Variants in BPGM observed in about 807,000 individuals in gnomAD.
The protein encoded by BPGM is 2,3-bisphosphoglycerate mutase, erythrocyte.
In BPGM, 15 loss-of-function variants were observed where a neutral mutation model predicts 21.6. The observed-to-expected ratio is 0.70, with a 90% CI of 0.47 to 1.07. BPGM has a LOEUF of 1.07. BPGM is among the 50% of genes least tolerant of loss of function. The pLI is 0.00. For synonymous variants in BPGM, 113 were observed against 116.2 expected, an observed-to-expected ratio of 0.97 and a Z score of 0.18; for missense variants, 273 against 319.0, an observed-to-expected ratio of 0.86 and a Z score of 1.10.
chr7:134,647,705 C>T (rs957185367), intron 1 of BPGM, among the ~76,000 whole-genome samples: 1 of 152,124 alleles, frequency 6.6e-6, no homozygotes, highest in African/African-American at 2.4e-5. Context: ...AGACTCTTTC[C>T]AAGAAGGGGA....
chr7:134,665,649 G>GAAAAAAAAAAAAAAA (rs1164169964), intron 2 of BPGM, among the ~76,000 whole-genome samples: 1 of 78,192 alleles, frequency 1.3e-5, no homozygotes, highest in Non-Finnish European at 3.1e-5. Flanking sequence ...AAAAATTAAT[G>GAAAAAAAAAAAAAAA]AAAAAAAAAA....
Position 134,661,217 on chromosome 7 carries a change from A to C in BPGM, c.-61-230A>C, listed in dbSNP as rs565465287. ...AGTGTTTTGTTATTTTATGTCATGC[A>C]ATTAACATGCTATCCAAACATCAGA... On this transcript the variant is annotated intron_variant, in intron 1 of 2. Coordinates refer to ENST00000344924, the MANE Select transcript of BPGM (RefSeq NM_001724.5). This position sits in a 1 kb window ranked among gnomAD's most constrained non-coding sequence, Gnocchi z 4.6. Among the ~76,000 whole-genome samples the C allele has an allele frequency of 6.6e-6, 1 of 152,228 alleles. No individual in the cohort carries two copies. The highest frequency in any genetic ancestry group is 2.4e-5 in the African/African-American group (1 of 41,454).
At chr7:134,648,299 C>A (rs938391485) in intron 1 of BPGM, among the ~76,000 whole-genome samples, 1 of 149,102 alleles carries the variant, frequency 6.7e-6, no homozygotes, top group African/African-American at 2.5e-5. Flanking sequence ...CCACGCCCAG[C>A]TAATTTTGTG....
At chr7:134,669,324 A>T (rs1358998083) in intron 2 of BPGM, among the ~76,000 whole-genome samples, 1 of 152,214 alleles carries the variant, frequency 6.6e-6, no homozygotes, top group Non-Finnish European at 1.5e-5. Context: ...GTCCTTCTTC[A>T]TGAGAAGTTA....
At chr7:134,672,589 TC>T (rs1288067375) in intron 2 of BPGM, among the ~76,000 whole-genome samples, 1 of 152,146 alleles carries the variant, frequency 6.6e-6, no homozygotes, top group Non-Finnish European at 1.5e-5. Flanking sequence ...CAGCAGTGTT[TC>T]CCTTTTCAGC....
intron 1 of BPGM, among the ~76,000 whole-genome samples, chr7:134,658,905 T>G (rs956471217): frequency 6.6e-6 from 1 of 151,752 alleles, no homozygotes; most frequent in Non-Finnish European, 1.5e-5. Flanking sequence ...TTTTTTTTAG[T>G]AAAAAGAAAA....
chr7:134,673,252 T>C (rs1795934083), intron 2 of BPGM, among the ~76,000 whole-genome samples: 1 of 152,186 alleles, frequency 6.6e-6, no homozygotes, highest in Non-Finnish European at 1.5e-5. Context: ...TATTAACCAG[T>C]CTAAGTATTT....
intron 2 of BPGM, among the ~76,000 whole-genome samples, chr7:134,666,155 G>A (rs74826448): frequency 0.034 from 5,102 of 152,148 alleles, 143 homozygotes; most frequent in Non-Finnish European, 0.045. Flanking sequence ...CTGGGATTAC[G>A]GCATGAGCCA....
Position 134,648,132 on chromosome 7 carries a change from G to GTTTTT in BPGM, c.-62+1201_-62+1205dup, listed in dbSNP as rs1037270275. 4.6e-4 allele frequency among the ~76,000 whole-genome samples: 66 copies of GTTTTT among 144,256 alleles called. 1 individual carries two copies. In the East Asian group the frequency reaches 0.012, roughly 26 times the overall value. The allele number at this position is 144,256 out of a possible 152,430, so 94.6% of individuals were successfully genotyped here. On this transcript the variant is annotated intron_variant, in intron 1 of 2. Transcript: ENST00000344924. ...TTCTTTCTTTCTTTCTTTTGTTTTG[G>GTTTTT]TTTTTTTTTTGTTTTGTTTTCAGAC...
chr7:134,661,479 G>A lies in BPGM; in HGVS notation c.-29G>A. On this transcript the variant is annotated 5_prime_UTR_variant, in exon 2 of 3. Transcript: ENST00000344924. This position sits in a 1 kb window ranked among gnomAD's most constrained non-coding sequence, Gnocchi z 4.6. ...GCTGTCCTTGAATATTAGCCCATTT[G>A]AAAACGCCTGGGAAGTTCAGCCATC... The A allele has an allele frequency of 1.2e-6, 2 of 1,613,870 alleles. No homozygotes were observed. Among genetic ancestry groups the A allele is most frequent in the South Asian group, 1.1e-5 (1 of 90,936 alleles).
At chr7:134,650,439 T>G (rs556285534) in intron 1 of BPGM, among the ~76,000 whole-genome samples, 2 of 152,348 alleles carry the variant, frequency 1.3e-5, no homozygotes, top group South Asian at 4.1e-4. Flanking sequence ...AGGGTTTTAG[T>G]GTCTGGAAAA....
chr7:134,652,947 G>C (rs7778281), intron 1 of BPGM, among the ~76,000 whole-genome samples: 1 of 152,230 alleles, frequency 6.6e-6, no homozygotes, highest in African/African-American at 2.4e-5. Context: ...TGGAGTGCAG[G>C]TATCTCTTCA....
At position 134,662,057 on chromosome 7, in the gene BPGM, C is replaced by A; in HGVS notation, c.550C>A (p.Leu184Met). 6.2e-7 allele frequency: 1 copy of A among 1,614,134 alleles called. No homozygotes were observed. The highest frequency in any genetic ancestry group is 8.5e-7 in the Non-Finnish European group (1 of 1,180,018). Reference sequence around the variant, plus strand: ...CGAAGTATTACGTGGCAAAACCATTCTGATATCTGCTCATGGAAATAGCAG... The same window carrying A: ...CGAAGTATTACGTGGCAAAACCATTATGATATCTGCTCATGGAAATAGCAG... The part of the protein sequence containing the change: ...APEVLRGKTI[L>M]ISAHGNSSRA... The change falls in exon 2 of 3, where the codon CTG becomes ATG. Residue 184 changes from leucine (L) to methionine (M), a missense_variant. Physicochemically the swap from Leu to Met is conservative, Grantham distance 15. Transcript: ENST00000344924.
chr7:134,663,974 A>C (rs978061750), intron 2 of BPGM, among the ~76,000 whole-genome samples: 3 of 152,186 alleles, frequency 2.0e-5, no homozygotes, highest in African/African-American at 7.2e-5. Flanking sequence ...GGTGGGGGCA[A>C]AGAGAGAATT....
intron 1 of BPGM, among the ~76,000 whole-genome samples, chr7:134,653,780 A>C (rs1159603036): frequency 2.6e-5 from 4 of 152,156 alleles, no homozygotes; most frequent in Non-Finnish European, 5.9e-5. Flanking sequence ...TGACCTTGCC[A>C]AAAGAATGCT....
intron 2 of BPGM, among the ~76,000 whole-genome samples, chr7:134,666,901 G>A (rs1183941378): frequency 2.6e-5 from 4 of 152,176 alleles, no homozygotes; most frequent in African/African-American, 4.8e-5. Flanking sequence ...AGAAGACATA[G>A]TATGTCATCA....
chr7:134,658,892 A>ATTTTTTTTATTTTTTT (rs5741666), intron 1 of BPGM, among the ~76,000 whole-genome samples: 44 of 143,950 alleles, frequency 3.1e-4, no homozygotes, highest in East Asian at 5.9e-4. Context: ...GTGTGTGTGT[A>ATTTTTTTTATTTTTTT]TTTTTTTTTT....
chr7:134,674,625 A>G (rs919666393), intron 2 of BPGM, among the ~76,000 whole-genome samples: 1 of 152,148 alleles, frequency 6.6e-6, no homozygotes, highest in African/African-American at 2.4e-5. Flanking sequence ...ATAATATTCT[A>G]TTGTATGGAT....
At chr7:134,659,792 G>C (rs772935983) in intron 1 of BPGM, among the ~76,000 whole-genome samples, 2 of 152,142 alleles carry the variant, frequency 1.3e-5, no homozygotes, top group African/African-American at 2.4e-5. Flanking sequence ...AGCATGGATC[G>C]TGTAAATGAT....
Sources: allele counts gnomAD v4.1 joint callset (sites outside exome capture counted in the v4.1 genomes callset), GRCh38; gene constraint gnomAD v4.1.1; non-coding constraint Gnocchi (gnomAD v3.1); transcripts MANE v1.5; gene names NCBI Gene and HGNC (gene_info 2026-07-23, HGNC 2026-07-21).